The following SNTG2 variants were observed in gnomAD, a reference collection of about 807,000 sequenced individuals.
The protein encoded by SNTG2 is gamma-2-syntrophin.
In SNTG2, 74 loss-of-function variants were observed where a neutral mutation model predicts 70.9. The ratio of observed to expected loss-of-function variants is 1.04; its 90% CI spans 0.86 to 1.27. The LOEUF is 1.27. SNTG2 is among the 50% of genes most tolerant of loss of function. SNTG2 has a pLI of 0.00. For missense variants in SNTG2, 717 were observed against 690.7 expected, an observed-to-expected ratio of 1.04 and a Z score of -0.43; for synonymous variants, 278 against 273.8, an observed-to-expected ratio of 1.02 and a Z score of -0.15.
intron 8 of SNTG2, among the ~76,000 whole-genome samples, chr2:1,204,803 C>T (rs143464276): frequency 2.0e-5 from 3 of 152,214 alleles, no homozygotes; most frequent in East Asian, 3.9e-4. Flanking sequence ...TATAACTATA[C>T]GGTTTGGTAC....
In SNTG2 at chr2:1,020,565, A is replaced by AT. The variant is rs200450853; in HGVS notation, c.73-62943dup. Among the ~76,000 whole-genome samples the AT allele has an allele frequency of 6.2e-4, 64 of 103,854 alleles. No individual in the cohort carries two copies. In the South Asian group the frequency reaches 0.012, roughly 20 times the overall value. The allele number at this position is 103,854 out of a possible 152,430, so 68.1% of individuals were successfully genotyped here. A position where few individuals can be genotyped will look rare whatever the true frequency, so the allele number is the denominator to read the frequency against. ...CCTGCACTTCTCCAAATTTGTAGGA[A>AT]TTTTTTTTTTAAAAAAATTCCAACA... On this transcript the variant is annotated intron_variant, in intron 1 of 16. Transcript: ENST00000308624.
intron 1 of SNTG2, among the ~76,000 whole-genome samples, chr2:974,392 C>T (rs1031018469): frequency 6.6e-5 from 10 of 152,172 alleles, no homozygotes; most frequent in African/African-American, 2.2e-4. Flanking sequence ...GTTACCTGGC[C>T]GTGGTAAGGC....
intron 4 of SNTG2, 99 bp from the exon 5 acceptor site, chr2:1,137,523 C>A: frequency 8.1e-7 from 1 of 1,238,928 alleles, no homozygotes; most frequent in Non-Finnish European, 1.1e-6. Context: ...CACACGTGGC[C>A]ACTTCAGCTA....
chr2:1,239,154 G>A (rs574570387), intron 10 of SNTG2, among the ~76,000 whole-genome samples: 32 of 152,270 alleles, frequency 2.1e-4, no homozygotes, highest in Middle Eastern at 3.4e-3. Flanking sequence ...GACGAGGAGC[G>A]CCCTTCAGTT....
chr2:1,283,644 C>T (rs1679648452), intron 14 of SNTG2, among the ~76,000 whole-genome samples: 1 of 152,156 alleles, frequency 6.6e-6, no homozygotes, highest in Non-Finnish European at 1.5e-5. Flanking sequence ...CCTCTCCTCA[C>T]CACAGCCTGT....
intron 16 of SNTG2, among the ~76,000 whole-genome samples, chr2:1,331,839 T>C (rs537838764): frequency 6.6e-6 from 1 of 152,338 alleles, no homozygotes; most frequent in Non-Finnish European, 1.5e-5. Flanking sequence ...GATCTCTCAT[T>C]GCATGTTCAG....
At chr2:1,284,687 T>G (rs966414591) in intron 14 of SNTG2, among the ~76,000 whole-genome samples, 1 of 152,156 alleles carries the variant, frequency 6.6e-6, no homozygotes, top group African/African-American at 2.4e-5. Context: ...AAACATATGT[T>G]TATACAAAAC....
At chr2:1,327,028 TATAAGA>T (rs1434050533) in intron 16 of SNTG2, among the ~76,000 whole-genome samples, 14 of 152,064 alleles carry the variant, frequency 9.2e-5, no homozygotes, top group African/African-American at 3.4e-4. Context: ...ATATTTTTTA[TATAAGA>T]ATAAGTATAT....
At chr2:1,116,842 G>T (rs540431931) in intron 4 of SNTG2, among the ~76,000 whole-genome samples, 3 of 147,988 alleles carry the variant, frequency 2.0e-5, no homozygotes, top group Admixed American at 1.3e-4. Context: ...TGGTGTATGG[G>T]TGCCCTGGTG....
chr2:1,015,786 C>T (rs1004955645), intron 1 of SNTG2, among the ~76,000 whole-genome samples: 4 of 152,188 alleles, frequency 2.6e-5, no homozygotes, highest in South Asian at 2.1e-4. Flanking sequence ...ATTGAAGACG[C>T]GCCTTTGGGT....
At chr2:1,139,204 AAC>A (rs1179857901) in intron 6 of SNTG2, among the ~76,000 whole-genome samples, 2 of 152,030 alleles carry the variant, frequency 1.3e-5, no homozygotes, top group African/African-American at 4.8e-5. Context: ...TCTTGTGAGC[AAC>A]AGTTTTTTTG....
At chr2:1,015,497 CAAT>C (rs998576005) in intron 1 of SNTG2, among the ~76,000 whole-genome samples, 6 of 152,016 alleles carry the variant, frequency 3.9e-5, no homozygotes, top group African/African-American at 4.8e-5. Context: ...ATTTTAAAAA[CAAT>C]AAGGCAGTGT....
At chr2:1,195,828 G>C (rs1307417372) in intron 8 of SNTG2, among the ~76,000 whole-genome samples, 3 of 151,972 alleles carry the variant, frequency 2.0e-5, no homozygotes, top group Admixed American at 6.5e-5. Context: ...TGAACATGAA[G>C]TTGTGGATAT....
At chr2:995,896 A>C (rs1325140895) in intron 1 of SNTG2, among the ~76,000 whole-genome samples, 1 of 152,178 alleles carries the variant, frequency 6.6e-6, no homozygotes, top group African/African-American at 2.4e-5. Flanking sequence ...GAGAGAGAGA[A>C]TTAGTTGGCA....
At chr2:1,128,579 T>A (rs1667843044) in intron 4 of SNTG2, among the ~76,000 whole-genome samples, 1 of 152,190 alleles carries the variant, frequency 6.6e-6, no homozygotes, top group Admixed American at 6.5e-5. Context: ...AGTAAGTGTT[T>A]GATAAATGAA....
At chr2:1,351,645 A>G (rs868859911) in intron 16 of SNTG2, among the ~76,000 whole-genome samples, 1 of 152,184 alleles carries the variant, frequency 6.6e-6, no homozygotes, top group African/African-American at 2.4e-5. Flanking sequence ...ACTCGGCCGC[A>G]TCCAGCCGGG....
intron 8 of SNTG2, among the ~76,000 whole-genome samples, chr2:1,182,192 A>G (rs28674177): frequency 0.31 from 47,859 of 151,938 alleles, 8,125 homozygotes; most frequent in East Asian, 0.66. Context: ...TCCTTTGAGA[A>G]GATTTAAAGT....
intron 1 of SNTG2, among the ~76,000 whole-genome samples, chr2:988,749 A>G (rs1053486607): frequency 6.6e-6 from 1 of 151,180 alleles, no homozygotes; most frequent in African/African-American, 2.4e-5. Flanking sequence ...TTGCATTTTT[A>G]TATAAATGTA....
At chr2:1,034,009 T>A (rs1413848969) in intron 1 of SNTG2, among the ~76,000 whole-genome samples, 1 of 151,024 alleles carries the variant, frequency 6.6e-6, no homozygotes, top group Non-Finnish European at 1.5e-5. Flanking sequence ...ACTTTTATGT[T>A]TAGAGGTACA....
Sources: gnomAD v4.1 joint callset for allele counts (sites outside exome capture counted in the v4.1 genomes callset) on GRCh38, gnomAD v4.1.1 for gene constraint, MANE v1.5 for transcripts, NCBI Gene and HGNC (gene_info 2026-07-23, HGNC 2026-07-21) for gene names.